The following HTR2C variants were observed in gnomAD, a reference collection of about 807,000 sequenced individuals.
HTR2C encodes 5-hydroxytryptamine (serotonin) receptor 2C, G protein-coupled.
Under a neutral mutation model 21.0 loss-of-function variants are expected in HTR2C, and 5 were observed. That is an observed-to-expected ratio of 0.24 (90% CI 0.12 to 0.50). The LOEUF (loss-of-function observed/expected upper bound fraction) is 0.50. Ranked by LOEUF, HTR2C falls within the 20% of genes least tolerant of loss-of-function variation. The pLI is 0.98. For synonymous variants in HTR2C, 150 were observed against 145.3 expected (o/e 1.03, Z -0.23); for missense variants, 271 against 371.2 (o/e 0.73, Z 2.22).
At chrX:114,884,831 G>C (rs138331623) in intron 5 of HTR2C, among the ~76,000 whole-genome samples, 1 of 111,599 alleles carries the variant, frequency 9.0e-6, no homozygotes, top group African/African-American at 3.2e-5. Flanking sequence ...TAATTTCCAC[G>C]TATTTGTGAT....
At position 114,874,138 on chromosome X, in the gene HTR2C, TTGTGTG is replaced by T. The variant is rs34475522; in HGVS notation, c.550+25951_550+25956del. ...TCTTTTTAATGACTGAATAATTCTC[TTGTGTG>T]TGTGTGTGTGTGTGTCATATTTTCT... On this transcript the variant is annotated intron_variant, in intron 5 of 5. Transcript: ENST00000276198. Among the ~76,000 whole-genome samples, 4 of 105,920 alleles carry T rather than the reference TTGTGTG, an allele frequency of 3.8e-5. No individual in the cohort carries two copies. The East Asian group carries it at 9.0e-4, about 24-fold the overall frequency. 92.0% of individuals were successfully genotyped at this position (105,920 alleles called of 115,157 possible). A position where few individuals can be genotyped will look rare whatever the true frequency, so the allele number is the denominator to read the frequency against.
chrX:114,826,759 A>C (rs2070681806), intron 4 of HTR2C, among the ~76,000 whole-genome samples: 1 of 111,176 alleles, frequency 9.0e-6, no homozygotes, highest in African/African-American at 3.3e-5. Context: ...TTAATCCAAA[A>C]TCGCTATCTC....
At chrX:114,694,490 T>TACAC (rs1932211958) in intron 2 of HTR2C, among the ~76,000 whole-genome samples, 1 of 92,589 alleles carries the variant, frequency 1.1e-5, no homozygotes, top group African/African-American at 4.9e-5. Flanking sequence ...TATATATATA[T>TACAC]ATACACACAC....
intron 2 of HTR2C, among the ~76,000 whole-genome samples, chrX:114,655,837 A>G: frequency 9.0e-6 from 1 of 111,336 alleles, no homozygotes; most frequent in Non-Finnish European, 1.9e-5. Context: ...TACAAGAATG[A>G]CTTGCTGAAT....
At chrX:114,853,280 A>C (rs1474306778) in intron 5 of HTR2C, among the ~76,000 whole-genome samples, 4 of 111,312 alleles carry the variant, frequency 3.6e-5, no homozygotes, top group African/African-American at 1.3e-4. Flanking sequence ...AGTTATAGAC[A>C]CTAACCATTT....
intron 1 of HTR2C, among the ~76,000 whole-genome samples, chrX:114,587,006 AG>A (rs1427944792): frequency 9.0e-6 from 1 of 111,327 alleles, no homozygotes; most frequent in African/African-American, 3.3e-5. Flanking sequence ...AAATCTAAAA[AG>A]CCTAACATTC....
At chrX:114,671,850 C>T (rs1277705843) in intron 2 of HTR2C, among the ~76,000 whole-genome samples, 3 of 111,551 alleles carry the variant, frequency 2.7e-5, no homozygotes, top group East Asian at 2.8e-4. Context: ...TATTCAAATA[C>T]CTTATAATAT....
chrX:114,649,911 G>T (rs781896649), intron 2 of HTR2C, among the ~76,000 whole-genome samples: 1 of 111,577 alleles, frequency 9.0e-6, no homozygotes, highest in South Asian at 3.7e-4. Flanking sequence ...CACCGTGCCC[G>T]GCCTTTTCTC....
chrX:114,686,164 C>G (rs34351769), intron 2 of HTR2C, among the ~76,000 whole-genome samples: 14,509 of 111,037 alleles, frequency 0.13, 788 homozygotes, highest in South Asian at 0.31. Context: ...ACTTTGTTAT[C>G]TAAAACTTTT....
At chrX:114,650,153 T>C (rs1556408234) in intron 2 of HTR2C, among the ~76,000 whole-genome samples, 2 of 111,888 alleles carry the variant, frequency 1.8e-5, no homozygotes, top group Non-Finnish European at 3.8e-5. Context: ...CATTACTTTA[T>C]TGCAAAGTAC....
chrX:114,813,134 A>C, intron 4 of HTR2C, among the ~76,000 whole-genome samples: 1 of 112,082 alleles, frequency 8.9e-6, no homozygotes, highest in East Asian at 2.8e-4. Context: ...TACAACCAAA[A>C]TATATTTCAC....
intron 4 of HTR2C, chrX:114,775,929 C>T: frequency 2.7e-6 from 1 of 368,247 alleles, no homozygotes; most frequent in Admixed American, 4.4e-5. Context: ...TAGAGAGAAT[C>T]GACCTCAATA....
intron 2 of HTR2C, among the ~76,000 whole-genome samples, chrX:114,685,219 G>T (rs781871381): frequency 1.7e-4 from 19 of 111,864 alleles, no homozygotes; most frequent in African/African-American, 6.1e-4. Context: ...GTTAGCAGCT[G>T]TAAGATTGAG....
At chrX:114,646,441 C>A (rs2147830596) in intron 2 of HTR2C, among the ~76,000 whole-genome samples, 1 of 111,659 alleles carries the variant, frequency 9.0e-6, no homozygotes, top group East Asian at 2.8e-4. Context: ...AGGAAAATAC[C>A]TCTGTCTTTT....
At chrX:114,896,488 T>C (rs2071297967) in intron 5 of HTR2C, among the ~76,000 whole-genome samples, 1 of 112,211 alleles carries the variant, frequency 8.9e-6, no homozygotes, top group Admixed American at 9.5e-5. Flanking sequence ...ATTTCTTCCT[T>C]AGTTCTGTAG....
intron 4 of HTR2C, among the ~76,000 whole-genome samples, chrX:114,845,673 A>T (rs1283763406): frequency 9.1e-6 from 1 of 110,424 alleles, no homozygotes; most frequent in African/African-American, 3.3e-5. Flanking sequence ...TCAGAAATGA[A>T]AGTGGGGGTA....
intron 4 of HTR2C, among the ~76,000 whole-genome samples, chrX:114,754,428 A>G (rs1475369685): frequency 8.9e-6 from 1 of 112,106 alleles, no homozygotes; most frequent in Admixed American, 9.5e-5. Context: ...TCAAGATAAT[A>G]TCATATTTGC....
intron 2 of HTR2C, among the ~76,000 whole-genome samples, chrX:114,721,459 T>A (rs782735735): frequency 7.6e-5 from 7 of 92,491 alleles, no homozygotes; most frequent in Non-Finnish European, 4.3e-5. Flanking sequence ...TTCTCCCATT[T>A]TGTAGGTTGC....
chrX:114,685,418 T>C (rs1931880421), intron 2 of HTR2C, among the ~76,000 whole-genome samples: 1 of 112,228 alleles, frequency 8.9e-6, no homozygotes, highest in Non-Finnish European at 1.9e-5. Context: ...TTGCTAACAC[T>C]TCATTGGACC....
Sources: gnomAD v4.1 joint callset for allele counts (sites outside exome capture counted in the v4.1 genomes callset) on GRCh38, gnomAD v4.1.1 for gene constraint, MANE v1.5 for transcripts, NCBI Gene and HGNC (gene_info 2026-07-23, HGNC 2026-07-21) for gene names.